CNTNAP2: variants seen among roughly 807,000 people sequenced by gnomAD.
CNTNAP2 encodes the protein contactin associated protein 2, also known as contactin-associated protein-like 2.
Under a neutral mutation model 155.2 loss-of-function variants are expected in CNTNAP2, and 98 were observed. That is an observed-to-expected ratio of 0.63 (90% CI 0.54 to 0.75). The LOEUF (loss-of-function observed/expected upper bound fraction) is 0.75, where lower values mean the gene tolerates loss of function less well. CNTNAP2 is among the 30% of genes least tolerant of loss of function. The probability of loss-of-function intolerance (pLI) is 0.00; values close to 1 mark genes in which losing one functional copy is unlikely to be tolerated. For synonymous variants in CNTNAP2, 651 were observed against 631.2 expected (o/e 1.03, Z -0.47); for missense variants, 1,727 against 1,688.1 (o/e 1.02, Z -0.40).
Position 146,401,738 on chromosome 7 carries a change from G to A in CNTNAP2, c.97+284765G>A, listed in dbSNP as rs541499457. ...CATTCCATGAAATTTTGCAAGATGC[G>A]TTCTCTCCTTTAAGTGGATGTGAAT... On this transcript the variant is annotated intron_variant, in intron 1 of 23. Transcript: ENST00000361727. 2.6e-5 allele frequency among the ~76,000 whole-genome samples: 4 copies of A among 152,184 alleles called. 1 individual carries two copies. The highest frequency in any genetic ancestry group is 3.9e-4 in the East Asian group (2 of 5,176).
At chr7:147,324,816 T>TA (rs1795421769) in intron 9 of CNTNAP2, among the ~76,000 whole-genome samples, 1 of 152,094 alleles carries the variant, frequency 6.6e-6, no homozygotes, top group Non-Finnish European at 1.5e-5. Flanking sequence ...ACTCTATTAA[T>TA]TTTCATTGCC....
chr7:146,217,125 G>T (rs1257299484), intron 1 of CNTNAP2, among the ~76,000 whole-genome samples: 2 of 152,156 alleles, frequency 1.3e-5, no homozygotes, highest in South Asian at 2.1e-4. Context: ...TTGACCCATT[G>T]TTCCTCTTCA....
chr7:148,358,844 G>A (rs530655710), intron 21 of CNTNAP2, among the ~76,000 whole-genome samples: 1 of 152,324 alleles, frequency 6.6e-6, no homozygotes, highest in South Asian at 2.1e-4. Context: ...GTTAATGAAT[G>A]TAAATTGCTC....
At chr7:146,827,575 G>T (rs1416715569) in intron 2 of CNTNAP2, among the ~76,000 whole-genome samples, 1 of 151,552 alleles carries the variant, frequency 6.6e-6, no homozygotes, top group Non-Finnish European at 1.5e-5. Context: ...CAGTGAATGG[G>T]CACTTAGCTA....
chr7:146,478,629 CCTT>C (rs1265375683), intron 1 of CNTNAP2, among the ~76,000 whole-genome samples: 1 of 151,842 alleles, frequency 6.6e-6, no homozygotes, highest in Non-Finnish European at 1.5e-5. Flanking sequence ...AGCTTCTCCT[CCTT>C]CAAGTAGAGA....
chr7:146,862,875 C>G (rs1253395986), intron 3 of CNTNAP2, among the ~76,000 whole-genome samples: 2 of 152,116 alleles, frequency 1.3e-5, no homozygotes, highest in Non-Finnish European at 2.9e-5. Context: ...CATTCTGGTT[C>G]CCCCAGTTAT....
chr7:148,391,832 C>G (rs371239043), intron 22 of CNTNAP2, among the ~76,000 whole-genome samples: 2 of 152,188 alleles, frequency 1.3e-5, no homozygotes, highest in Non-Finnish European at 1.5e-5. Context: ...ATCCAAGAGT[C>G]TGATCCCATA....
chr7:147,113,734 C>T (rs1024805829), intron 5 of CNTNAP2, among the ~76,000 whole-genome samples: 4 of 152,102 alleles, frequency 2.6e-5, no homozygotes, highest in African/African-American at 9.7e-5. Context: ...GGTGGGAACA[C>T]AGAGCCAGAT....
intron 3 of CNTNAP2, among the ~76,000 whole-genome samples, chr7:146,947,543 ATGTGTGTGTGTG>A (rs1162152721): frequency 2.4e-4 from 18 of 74,412 alleles, no homozygotes; most frequent in African/African-American, 5.7e-4. Context: ...GTGTGTGTGT[ATGTGTGTGTGTG>A]TGTATATATA....
rs770930636 is a variant in CNTNAP2 at position 147,108,146 on chromosome 7, G to A, written c.551-1G>A. On this transcript the variant is annotated splice_acceptor_variant, in intron 4 of 23. Coordinates refer to ENST00000361727, the MANE Select transcript of CNTNAP2 (RefSeq NM_014141.6). LOFTEE classifies it high-confidence loss of function. Reference sequence around the variant, plus strand: ...ATATGTTATTTTTTTTTTTGTTTTAGGGGCTGATGTTATCAACTTTGATGG... The same window carrying A: ...ATATGTTATTTTTTTTTTTGTTTTAAGGGCTGATGTTATCAACTTTGATGG... The A allele has an allele frequency of 6.2e-7, 1 of 1,611,424 alleles. No individual in the cohort carries two copies. Among genetic ancestry groups the A allele is most frequent in the Non-Finnish European group, 8.5e-7 (1 of 1,178,922 alleles).
At chr7:146,872,624 A>C (rs1795336439) in intron 3 of CNTNAP2, among the ~76,000 whole-genome samples, 1 of 152,198 alleles carries the variant, frequency 6.6e-6, no homozygotes, top group African/African-American at 2.4e-5. Context: ...TCCAAATTGG[A>C]TAGTGCATGC....
At chr7:147,078,907 G>C (rs1006851044) in intron 4 of CNTNAP2, among the ~76,000 whole-genome samples, 2 of 151,766 alleles carry the variant, frequency 1.3e-5, no homozygotes, top group Non-Finnish European at 2.9e-5. Flanking sequence ...GCGCCACCAT[G>C]CCCAGCTAAT....
intron 21 of CNTNAP2, among the ~76,000 whole-genome samples, chr7:148,364,002 C>T (rs911425226): frequency 6.6e-6 from 1 of 152,206 alleles, no homozygotes; most frequent in African/African-American, 2.4e-5. Flanking sequence ...GCCGGCCCAC[C>T]GGCGCTGCGC....
intron 11 of CNTNAP2, among the ~76,000 whole-genome samples, chr7:147,488,949 T>C (rs1225898245): frequency 6.6e-6 from 1 of 152,232 alleles, no homozygotes; most frequent in East Asian, 1.9e-4. Context: ...TATGTGGTAC[T>C]CAATAAATTT....
At chr7:147,195,030 C>G (rs77402402) in intron 8 of CNTNAP2, among the ~76,000 whole-genome samples, 1 of 152,154 alleles carries the variant, frequency 6.6e-6, no homozygotes, top group African/African-American at 2.4e-5. Context: ...CCTAGGTTTT[C>G]TTCAAGGGTT....
At chr7:146,750,623 T>G (rs748036850) in intron 1 of CNTNAP2, among the ~76,000 whole-genome samples, 3 of 152,188 alleles carry the variant, frequency 2.0e-5, no homozygotes, top group Non-Finnish European at 2.9e-5. Context: ...TCTTTTCTTT[T>G]GTCGTCAGTG....
rs1800629456 is a variant in CNTNAP2, at chr7:146,687,873, C to G, written c.98-86398C>G. ...TTTTGCAGTCTAGCACTGATGCTTT[C>G]CATGGGAAGAGCACAGGCTGTGTAT... On this transcript the variant is annotated intron_variant, in intron 1 of 23. Transcript: ENST00000361727. Among the ~76,000 whole-genome samples, 8 of 152,126 alleles carry G rather than the reference C, an allele frequency of 5.3e-5. No homozygotes were observed. In the South Asian group the frequency reaches 1.7e-3, roughly 31 times the overall value.
chr7:147,364,846 C>G (rs1358961711), intron 9 of CNTNAP2, among the ~76,000 whole-genome samples: 1 of 147,938 alleles, frequency 6.8e-6, no homozygotes, highest in Non-Finnish European at 1.5e-5. Context: ...GAGACTCAGT[C>G]TCGGGAAAAA....
chr7:147,750,715 G>T (rs1797119626), intron 13 of CNTNAP2, among the ~76,000 whole-genome samples: 1 of 152,198 alleles, frequency 6.6e-6, no homozygotes, highest in Admixed American at 6.5e-5. Flanking sequence ...AAAGGAACCA[G>T]CAATGAGCTT....
Sources: allele counts gnomAD v4.1 joint callset (sites outside exome capture counted in the v4.1 genomes callset), GRCh38; gene constraint gnomAD v4.1.1; transcripts MANE v1.5; gene names NCBI Gene and HGNC (gene_info 2026-07-23, HGNC 2026-07-21).